Variants in BTBD9 observed in about 807,000 individuals in gnomAD.
BTBD9 encodes BTB/POZ domain-containing protein 9.
BTBD9 carries 49 observed loss-of-function variants against 64.3 expected under a neutral mutation model. The observed-to-expected ratio is 0.76, with a 90% CI of 0.61 to 0.97. The LOEUF is 0.97. BTBD9 is among the 50% of genes least tolerant of loss of function. BTBD9 has a pLI of 0.00. For missense variants in BTBD9, 598 were observed against 762.1 expected (o/e 0.78, Z 2.53); for synonymous variants, 260 against 274.7 (o/e 0.95, Z 0.53).
chr6:38,605,202 A>G (rs537877696), intron 1 of BTBD9, among the ~76,000 whole-genome samples: 2 of 151,974 alleles, frequency 1.3e-5, no homozygotes, highest in Non-Finnish European at 2.9e-5. Context: ...GCACACCACT[A>G]TGCCTGGTTA....
At chr6:38,274,101 T>C (rs377478952) in intron 8 of BTBD9, among the ~76,000 whole-genome samples, 1 of 152,234 alleles carries the variant, frequency 6.6e-6, no homozygotes, top group East Asian at 1.9e-4. Flanking sequence ...TCACGTCCCT[T>C]GTACGTTGGA....
intron 7 of BTBD9, among the ~76,000 whole-genome samples, chr6:38,312,300 T>C (rs1002925971): frequency 3.3e-5 from 5 of 152,256 alleles, no homozygotes; most frequent in African/African-American, 1.2e-4. Flanking sequence ...TTATATATTC[T>C]GGTTATTAAT....
At chr6:38,521,198 T>C in intron 6 of BTBD9, among the ~76,000 whole-genome samples, 1 of 152,156 alleles carries the variant, frequency 6.6e-6, no homozygotes, top group Admixed American at 6.5e-5. Flanking sequence ...CTCTGCCCTT[T>C]ATTGAATGTA....
chr6:38,510,871 C>T (rs1435497045), intron 6 of BTBD9, among the ~76,000 whole-genome samples: 3 of 152,200 alleles, frequency 2.0e-5, no homozygotes, highest in African/African-American at 7.2e-5. Flanking sequence ...CCTATGATAA[C>T]AATGCCTTCT....
chr6:38,292,024 AAATC>A (rs1282826680), intron 7 of BTBD9, among the ~76,000 whole-genome samples: 1 of 151,434 alleles, frequency 6.6e-6, no homozygotes. Context: ...TGCAGTAGCG[AAATC>A]TCAGCTCACT....
At chr6:38,511,508 A>C (rs1772775143) in intron 6 of BTBD9, among the ~76,000 whole-genome samples, 1 of 151,526 alleles carries the variant, frequency 6.6e-6, no homozygotes, top group African/African-American at 2.4e-5. Context: ...ACGCCTGGCT[A>C]ATTATTTTAT....
intron 6 of BTBD9, among the ~76,000 whole-genome samples, chr6:38,477,849 T>C (rs1378654043): frequency 6.6e-6 from 1 of 152,138 alleles, no homozygotes; most frequent in African/African-American, 2.4e-5. Flanking sequence ...CACGAACACA[T>C]CAAGTAAAGC....
Position 38,430,231 on chromosome 6 carries a change from T to A in BTBD9, c.1155-85138A>T, listed in dbSNP as rs1026900531. 3.3e-5 allele frequency among the ~76,000 whole-genome samples: 5 copies of A among 151,932 alleles called. 1 individual carries two copies. Among genetic ancestry groups the A allele is most frequent in the African/African-American group, 1.2e-4 (5 of 41,198 alleles). On this transcript the variant is annotated intron_variant, in intron 6 of 10. Coordinates refer to ENST00000481247, the MANE Select transcript of BTBD9 (RefSeq NM_001099272.2). ...TTTAAACTTTTTTATTTTATTTTAT[T>A]TTTTTAGAAATAGGTTCTCCCTCTG... is the stretch of plus-strand genomic sequence containing the variant.
At chr6:38,379,238 T>C (rs1047593015) in intron 6 of BTBD9, among the ~76,000 whole-genome samples, 2 of 152,116 alleles carry the variant, frequency 1.3e-5, no homozygotes, top group African/African-American at 4.8e-5. Context: ...GCAACATTTT[T>C]AGTGGCTGAC....
At chr6:38,298,002 G>A (rs867978673) in intron 7 of BTBD9, among the ~76,000 whole-genome samples, 9 of 151,464 alleles carry the variant, frequency 5.9e-5, no homozygotes, top group South Asian at 2.1e-4. Flanking sequence ...CACCACACCC[G>A]GCTAATTTTT....
Position 38,303,742 on chromosome 6 carries a change from T to G in BTBD9, c.1265-15281A>C, listed in dbSNP as rs545688437. 4.6e-5 allele frequency among the ~76,000 whole-genome samples: 7 copies of G among 151,380 alleles called. No individual in the cohort carries two copies. In the South Asian group the frequency reaches 1.5e-3, roughly 32 times the overall value. On this transcript the variant is annotated intron_variant, in intron 7 of 10. Transcript: ENST00000481247. The stretch of plus-strand genomic sequence containing the variant: ...GGCTGGGATCAGCACTCAGAATTCC[T>G]TTTCTACAGACACATTTATAAACGG...
At chr6:38,509,227 C>T (rs1034560772) in intron 6 of BTBD9, among the ~76,000 whole-genome samples, 3 of 152,166 alleles carry the variant, frequency 2.0e-5, no homozygotes, top group Non-Finnish European at 4.4e-5. Flanking sequence ...TCCTCAAGAA[C>T]AAGTTTGGAT....
rs115153272 is a variant in BTBD9, at chr6:38,248,496, A to T, written c.1562+7913T>A. Among the ~76,000 whole-genome samples the T allele has an allele frequency of 3.0e-3, 459 of 152,368 alleles. 5 individuals carry two copies. In the South Asian group the frequency reaches 0.036, roughly 12 times the overall value. On this transcript the variant is annotated intron_variant, in intron 9 of 10. Transcript: ENST00000481247. ...ATTACTATTCAACGGGACCATGACAAAGCAAAGAAATTGTTTAAAAAATGA... is the reference window on the plus strand; with the variant it reads ...ATTACTATTCAACGGGACCATGACATAGCAAAGAAATTGTTTAAAAAATGA...
chr6:38,230,784 G>GAAGGC (rs1763579781), intron 9 of BTBD9, among the ~76,000 whole-genome samples: 1 of 152,118 alleles, frequency 6.6e-6, no homozygotes, highest in South Asian at 2.1e-4. Context: ...CAAGGCTTTG[G>GAAGGC]AAGGCTGGCT....
intron 6 of BTBD9, among the ~76,000 whole-genome samples, chr6:38,434,837 T>A (rs997862525): frequency 2.0e-5 from 3 of 151,900 alleles, no homozygotes; most frequent in Admixed American, 2.0e-4. Context: ...CAGTATCCAC[T>A]GGAGATTGGT....
intron 7 of BTBD9, among the ~76,000 whole-genome samples, chr6:38,291,503 T>C (rs1329673743): frequency 1.3e-5 from 2 of 152,190 alleles, no homozygotes; most frequent in Non-Finnish European, 2.9e-5. Context: ...TCTAGCCTGA[T>C]TGCCCTGGCC....
intron 9 of BTBD9, among the ~76,000 whole-genome samples, chr6:38,217,437 A>C (rs954753504): frequency 6.6e-6 from 1 of 152,042 alleles, no homozygotes; most frequent in African/African-American, 2.4e-5. Context: ...AGAATAAGAA[A>C]GTAAGGAAGA....
intron 9 of BTBD9, among the ~76,000 whole-genome samples, chr6:38,252,925 G>A (rs1264641402): frequency 2.0e-5 from 3 of 152,120 alleles, no homozygotes; most frequent in East Asian, 1.9e-4. Flanking sequence ...TGGCCAACAT[G>A]GTGAAACCCT....
intron 6 of BTBD9, among the ~76,000 whole-genome samples, chr6:38,485,973 T>C (rs1771380903): frequency 1.3e-5 from 2 of 152,222 alleles, no homozygotes; most frequent in Non-Finnish European, 2.9e-5. Flanking sequence ...CTAGGTCTTC[T>C]GGGTAACTTG....
Sources: gnomAD v4.1 joint callset for allele counts (sites outside exome capture counted in the v4.1 genomes callset) on GRCh38, gnomAD v4.1.1 for gene constraint, MANE v1.5 for transcripts, NCBI Gene and HGNC (gene_info 2026-07-23, HGNC 2026-07-21) for gene names.